Variants in RABGAP1L observed in about 807,000 individuals in gnomAD.
The protein encoded by RABGAP1L is rab GTPase-activating protein 1-like.
In RABGAP1L, 63 loss-of-function variants were observed where a neutral mutation model predicts 137.7. The observed-to-expected ratio is 0.46, with a 90% CI of 0.37 to 0.56. The LOEUF is 0.56. Among genes scored for constraint, RABGAP1L ranks in the 20% least tolerant of loss-of-function variants. RABGAP1L has a pLI of 0.00. For synonymous variants in RABGAP1L, 431 were observed against 433.7 expected (o/e 0.99, Z 0.08); for missense variants, 1,095 against 1,244.0 (o/e 0.88, Z 1.80).
chr1:174,176,237 A>G (rs1234845502), intron 1 of RABGAP1L, among the ~76,000 whole-genome samples: 1 of 152,220 alleles, frequency 6.6e-6, no homozygotes, highest in Non-Finnish European at 1.5e-5. Flanking sequence ...GTTGCCATGT[A>G]AAATCTTACA....
chr1:174,190,810 AT>A (rs775457285), intron 1 of RABGAP1L, among the ~76,000 whole-genome samples: 22 of 152,212 alleles, frequency 1.4e-4, no homozygotes, highest in South Asian at 1.0e-3. Context: ...AAGCTTAATC[AT>A]TTCTAGCTTT....
At chr1:174,919,729 G>T (rs147760411) in intron 19 of RABGAP1L, among the ~76,000 whole-genome samples, 19 of 152,200 alleles carry the variant, frequency 1.2e-4, no homozygotes, top group African/African-American at 4.1e-4. Context: ...CAGTGGTTAT[G>T]CCTGTAGTCC....
chr1:174,587,932 C>T (rs1016476990), intron 13 of RABGAP1L, among the ~76,000 whole-genome samples: 5 of 152,066 alleles, frequency 3.3e-5, no homozygotes, highest in African/African-American at 2.4e-5. Context: ...GGCACAATCT[C>T]GACTCACTGC....
At chr1:174,680,165 TGTCTGACAGTGGACTTGGCAATG>T (rs1473701675) in intron 14 of RABGAP1L, among the ~76,000 whole-genome samples, 1 of 152,238 alleles carries the variant, frequency 6.6e-6, no homozygotes, top group Admixed American at 6.5e-5. Flanking sequence ...GTAATATGCA[TGTCTGACAGTGGACTTGGCAATG>T]GTCCCATTGT....
In RABGAP1L at chr1:174,848,582, C is replaced by T. The variant is rs1166647682; in HGVS notation, c.2340+36622C>T. ...GACCCACTTGAGGAGGCAGTCTGCC[C>T]GTTCTCAGATCTCCAGCTGCTTGCT... On this transcript the variant is annotated intron_variant, in intron 19 of 25. Coordinates refer to ENST00000681986, the MANE Select transcript of RABGAP1L (RefSeq NM_001366446.1). Among the ~76,000 whole-genome samples the T allele has an allele frequency of 7.3e-4, 104 of 141,804 alleles. 2 individuals carry two copies. Among genetic ancestry groups the T allele is most frequent in the Middle Eastern group, 3.6e-3 (1 of 274 alleles). The allele number at this position is 141,804 out of a possible 152,430, so 93.0% of individuals were successfully genotyped here. A position where few individuals can be genotyped will look rare whatever the true frequency, so the allele number is the denominator to read the frequency against.
chr1:174,356,090 A>G (rs1214895514), intron 11 of RABGAP1L, among the ~76,000 whole-genome samples: 2 of 152,122 alleles, frequency 1.3e-5, no homozygotes, highest in Non-Finnish European at 2.9e-5. Context: ...GTTCAGGATG[A>G]CCTAATTTAC....
chr1:174,981,755 G>T (rs1364972973), intron 23 of RABGAP1L, among the ~76,000 whole-genome samples: 2 of 151,460 alleles, frequency 1.3e-5, no homozygotes, highest in African/African-American at 4.9e-5. Context: ...TATTTATCTA[G>T]ATTTTTTCCT....
intron 13 of RABGAP1L, among the ~76,000 whole-genome samples, chr1:174,582,422 G>T (rs1468912562): frequency 6.6e-6 from 1 of 152,058 alleles, no homozygotes; most frequent in Non-Finnish European, 1.5e-5. Context: ...AGGTATTCTG[G>T]AGCCCATGAA....
intron 19 of RABGAP1L, among the ~76,000 whole-genome samples, chr1:174,837,153 G>GC (rs533821458): frequency 7.4e-4 from 112 of 151,536 alleles, no homozygotes; most frequent in Non-Finnish European, 1.1e-3. Context: ...GTTGCACTGA[G>GC]CCGAGATCGT....
chr1:174,320,317 G>A (rs1679831695), intron 11 of RABGAP1L, among the ~76,000 whole-genome samples: 1 of 152,012 alleles, frequency 6.6e-6, no homozygotes, highest in African/African-American at 2.4e-5. Context: ...CTTTTCTTCA[G>A]TTTCATATAC....
chr1:174,579,150 A>C (rs1359834263), intron 13 of RABGAP1L, among the ~76,000 whole-genome samples: 1 of 152,102 alleles, frequency 6.6e-6, no homozygotes, highest in Non-Finnish European at 1.5e-5. Flanking sequence ...TGTTGAGTAC[A>C]ATGTTGTAAA....
At chr1:174,475,953 CTT>C (rs2149318910) in intron 13 of RABGAP1L, among the ~76,000 whole-genome samples, 1 of 151,478 alleles carries the variant, frequency 6.6e-6, no homozygotes, top group Non-Finnish European at 1.5e-5. Flanking sequence ...AACATTATAA[CTT>C]ATTATTTAGA....
At chr1:174,425,965 GTTTC>G (rs948140545) in intron 13 of RABGAP1L, among the ~76,000 whole-genome samples, 4 of 152,010 alleles carry the variant, frequency 2.6e-5, no homozygotes, top group Non-Finnish European at 5.9e-5. Context: ...TTATAAATAA[GTTTC>G]TTCTATTTAG....
chr1:174,670,373 A>G (rs1365627138), intron 14 of RABGAP1L, among the ~76,000 whole-genome samples: 1 of 152,190 alleles, frequency 6.6e-6, no homozygotes, highest in African/African-American at 2.4e-5. Flanking sequence ...GCTCAGAAGC[A>G]TTTATACTTT....
At chr1:174,162,767 T>C (rs1219457390) in intron 1 of RABGAP1L, among the ~76,000 whole-genome samples, 96 of 138,746 alleles carry the variant, frequency 6.9e-4, no homozygotes, top group Non-Finnish European at 1.4e-3. Flanking sequence ...TTTTTTTTTT[T>C]TCTCTTTCTG....
chr1:174,388,073 G>A (rs1419044070), intron 12 of RABGAP1L, among the ~76,000 whole-genome samples: 1 of 151,984 alleles, frequency 6.6e-6, no homozygotes, highest in Non-Finnish European at 1.5e-5. Context: ...AAATAGGTAG[G>A]CATTTACATA....
intron 17 of RABGAP1L, among the ~76,000 whole-genome samples, chr1:174,727,794 A>G (rs1255929400): frequency 1.3e-5 from 2 of 152,252 alleles, no homozygotes; most frequent in East Asian, 3.8e-4. Context: ...AAGCAATAAT[A>G]TGCACAATTA....
intron 14 of RABGAP1L, among the ~76,000 whole-genome samples, chr1:174,670,003 C>A (rs1677060413): frequency 1.3e-5 from 2 of 151,986 alleles, no homozygotes; most frequent in Non-Finnish European, 2.9e-5. Context: ...ATTTATTTTT[C>A]TATTTTTGTA....
At chr1:174,774,751 G>A (rs567022970) in intron 18 of RABGAP1L, among the ~76,000 whole-genome samples, 27 of 152,124 alleles carry the variant, frequency 1.8e-4, no homozygotes, top group Non-Finnish European at 3.7e-4. Flanking sequence ...ACGATGGCAC[G>A]TGCCTGTAGT....
Sources: gnomAD v4.1 joint callset for allele counts (sites outside exome capture counted in the v4.1 genomes callset) on GRCh38, gnomAD v4.1.1 for gene constraint, MANE v1.5 for transcripts, NCBI Gene and HGNC (gene_info 2026-07-23, HGNC 2026-07-21) for gene names.